KMT2C: variants seen among roughly 807,000 people sequenced by gnomAD.
The protein encoded by KMT2C is histone-lysine N-methyltransferase 2C.
A neutral mutation model predicts 507.9 loss-of-function variants in KMT2C; 88 were observed. The observed-to-expected ratio is 0.17, with a 90% CI of 0.15 to 0.21. KMT2C has a LOEUF of 0.21. KMT2C is among the 10% of genes least tolerant of loss of function. The pLI is 1.00. For synonymous variants in KMT2C, 2,049 were observed against 2,080.8 expected (o/e 0.98, Z 0.42); for missense variants, 4,954 against 5,957.8 (o/e 0.83, Z 5.55).
In KMT2C at chr7:152,389,454, C is replaced by T. The variant is rs542883853; in HGVS notation, c.162-30779G>A. On this transcript the variant is annotated intron_variant, in intron 1 of 58. Transcript: ENST00000262189. ...TGATAGGAGAGGCCTCTAGTTTACA[C>T]TATTTAAATTTTCTAATTATTTACT... Among the ~76,000 whole-genome samples the T allele has an allele frequency of 1.1e-4, 16 of 151,232 alleles. No homozygotes were observed. In the East Asian group the frequency reaches 2.3e-3, roughly 22 times the overall value.
At chr7:152,431,764 T>C (rs911062714) in intron 1 of KMT2C, among the ~76,000 whole-genome samples, 2 of 136,958 alleles carry the variant, frequency 1.5e-5, no homozygotes, top group African/African-American at 6.2e-5. Context: ...AGACCAATAA[T>C]ATCAAAAATT....
intron 1 of KMT2C, among the ~76,000 whole-genome samples, chr7:152,397,243 T>G (rs1410319974): frequency 6.6e-6 from 1 of 151,964 alleles, no homozygotes. Context: ...TTGCCCAGGT[T>G]GGAGTGCAGG....
intron 40 of KMT2C, among the ~76,000 whole-genome samples, chr7:152,170,659 C>T (rs771330425): frequency 7.2e-5 from 11 of 152,076 alleles, no homozygotes; most frequent in African/African-American, 2.2e-4. Flanking sequence ...TGCGCCACCA[C>T]GCCTGACTAA....
At chr7:152,289,436 A>C (rs2096367158) in intron 6 of KMT2C, among the ~76,000 whole-genome samples, 1 of 152,236 alleles carries the variant, frequency 6.6e-6, no homozygotes, top group Non-Finnish European at 1.5e-5. Flanking sequence ...ATAAAGAGTA[A>C]AATAATTGTT....
At chr7:152,309,051 T>G (rs544539992) in intron 6 of KMT2C, among the ~76,000 whole-genome samples, 21 of 152,048 alleles carry the variant, frequency 1.4e-4, no homozygotes, top group African/African-American at 5.1e-4. Context: ...ACTAAAAAAA[T>G]TTTTTTAATC....
chr7:152,153,132 T>C (rs1176532589), intron 48 of KMT2C, among the ~76,000 whole-genome samples, 178 bp from the exon 49 acceptor site: 3 of 151,264 alleles, frequency 2.0e-5, no homozygotes, highest in Non-Finnish European at 4.4e-5. Flanking sequence ...CGAACTAATA[T>C]CCAAAAAAAG....
intron 3 of KMT2C, among the ~76,000 whole-genome samples, chr7:152,319,453 G>A (rs886719937): frequency 2.6e-5 from 4 of 152,172 alleles, no homozygotes; most frequent in African/African-American, 9.7e-5. Flanking sequence ...GCCACCAGAG[G>A]AGTCCTTGGT....
In KMT2C at chr7:152,350,552, A is replaced by G. The variant is rs1253411110; in HGVS notation, c.250+8035T>C. Among the ~76,000 whole-genome samples, 5 of 152,330 alleles carry G rather than the reference A, an allele frequency of 3.3e-5. No homozygotes were observed. The East Asian group carries it at 9.6e-4, about 29-fold the overall frequency. ...TAACACAACAGTCAAGTATTTGTGTATCTAAATATATGTAAACATAGAAAC... is the reference window on the plus strand; with the variant it reads ...TAACACAACAGTCAAGTATTTGTGTGTCTAAATATATGTAAACATAGAAAC... On this transcript the variant is annotated intron_variant, in intron 2 of 58. Transcript: ENST00000262189.
intron 6 of KMT2C, among the ~76,000 whole-genome samples, chr7:152,307,278 A>AAAGGAAGGAAGGAAGGAAGGAAGG (rs35363127): frequency 2.2e-4 from 24 of 107,450 alleles, no homozygotes; most frequent in African/African-American, 1.0e-3. Flanking sequence ...AGGAAGAAAG[A>AAAGGAAGGAAGGAAGGAAGGAAGG]AAGGAAGGAA....
Position 152,139,242 on chromosome 7 carries a change from C to T in KMT2C, c.14478G>A (p.Met4826Ile). The change falls in exon 57 of 59, where the codon ATG (methionine) becomes ATA (isoleucine). Residue 4826 changes from methionine to isoleucine, a missense_variant. Physicochemically the swap from Met to Ile is conservative, Grantham distance 10. Around this residue, in one of 29 missense-constraint regions of KMT2C, gnomAD observed 133 missense variants for 258.9 expected, o/e 0.51. Coordinates refer to ENST00000262189, the MANE Select transcript of KMT2C (RefSeq NM_170606.3). ...LYESQNRGVY[M>I]FRMDNDHVID... The stretch of plus-strand genomic sequence containing the variant: ...TCACATGGTCGTTATCCATGCGGAA[C>T]ATGTACACACCACGGTTCTGAGGGA... The T allele has an allele frequency of 1.2e-6, 2 of 1,613,808 alleles. No homozygotes were observed. Among genetic ancestry groups the T allele is most frequent in the Non-Finnish European group, 8.5e-7 (1 of 1,180,008 alleles).
intron 23 of KMT2C, among the ~76,000 whole-genome samples, chr7:152,207,972 C>T (rs1563397023): frequency 6.6e-6 from 1 of 152,146 alleles, no homozygotes; most frequent in African/African-American, 2.4e-5. Context: ...TTCTCAATAC[C>T]TCTGAAATGC....
chr7:152,195,425 G>T, intron 28 of KMT2C: 1 of 469,594 alleles, frequency 2.1e-6, no homozygotes, highest in Non-Finnish European at 2.8e-6. Context: ...TAGCACTACT[G>T]ATAAACAGCA....
intron 23 of KMT2C, among the ~76,000 whole-genome samples, chr7:152,209,515 A>G (rs1425114687): frequency 6.6e-6 from 1 of 151,834 alleles, no homozygotes; most frequent in Admixed American, 6.6e-5. Flanking sequence ...CTAAATTCAT[A>G]TGTTAAAATT....
intron 1 of KMT2C, among the ~76,000 whole-genome samples, chr7:152,388,665 T>A (rs1407152638): frequency 6.6e-6 from 1 of 152,308 alleles, no homozygotes; most frequent in East Asian, 1.9e-4. Context: ...TACCTGGGAT[T>A]GTATGGCGAA....
At chr7:152,188,323 T>C (rs1301015413) in intron 31 of KMT2C, among the ~76,000 whole-genome samples, 1 of 152,144 alleles carries the variant, frequency 6.6e-6, no homozygotes, top group African/African-American at 2.4e-5. Flanking sequence ...AACCTCAATT[T>C]TACCTGTTAG....
chr7:152,337,623 T>C (rs1439573660), intron 2 of KMT2C, among the ~76,000 whole-genome samples: 5 of 152,170 alleles, frequency 3.3e-5, no homozygotes, highest in Admixed American at 2.6e-4. Context: ...AATGTGACCT[T>C]TGGCAAGTTA....
intron 2 of KMT2C, among the ~76,000 whole-genome samples, chr7:152,332,033 C>T (rs987309971): frequency 1.3e-5 from 2 of 152,168 alleles, no homozygotes; most frequent in African/African-American, 2.4e-5. Flanking sequence ...TTGCTTCACA[C>T]TTTATAAAAT....
chr7:152,214,654 A>G (rs950710068), intron 23 of KMT2C, among the ~76,000 whole-genome samples: 5 of 152,264 alleles, frequency 3.3e-5, no homozygotes, highest in African/African-American at 1.2e-4. Flanking sequence ...TTGTGACAAC[A>G]TGGATGAACC....
chr7:152,410,717 C>T (rs1048073519), intron 1 of KMT2C, among the ~76,000 whole-genome samples: 5 of 151,008 alleles, frequency 3.3e-5, no homozygotes, highest in African/African-American at 1.2e-4. Flanking sequence ...TACATCTCAG[C>T]CGGGCCCAGT....
Sources: gnomAD v4.1 joint callset for allele counts (sites outside exome capture counted in the v4.1 genomes callset) on GRCh38, gnomAD v4.1.1 for gene constraint, gnomAD v4.1.1 regional missense constraint, MANE v1.5 for transcripts, NCBI Gene and HGNC (gene_info 2026-07-23, HGNC 2026-07-21) for gene names.